The following PIWIL2 variants were observed in gnomAD, a reference collection of about 807,000 sequenced individuals.
PIWIL2 encodes the protein piwi-like protein 2.
PIWIL2 carries 81 observed loss-of-function variants against 116.5 expected under a neutral mutation model. The ratio of observed to expected loss-of-function variants is 0.70; its 90% CI spans 0.58 to 0.84. The LOEUF is 0.84. Among genes scored for constraint, PIWIL2 ranks in the 40% least tolerant of loss-of-function variants. PIWIL2 has a pLI of 0.00. For missense variants in PIWIL2, 1,272 were observed against 1,212.3 expected, an observed-to-expected ratio of 1.05 and a Z score of -0.73; for synonymous variants, 489 against 429.5, an observed-to-expected ratio of 1.14 and a Z score of -1.71.
At chr8:22,339,533 G>A (rs558778543) in intron 20 of PIWIL2, among the ~76,000 whole-genome samples, 4 of 151,978 alleles carry the variant, frequency 2.6e-5, no homozygotes, top group African/African-American at 7.2e-5. Context: ...AACTGTAGAC[G>A]GCAACATAGA....
chr8:22,289,935 C>A lies in PIWIL2; in HGVS notation c.1067+8C>A, dbSNP rs771991756. 1.3e-6 allele frequency: 2 copies of A among 1,571,438 alleles called. No homozygotes were observed. The highest frequency in any genetic ancestry group is 2.2e-5 in the East Asian group (1 of 44,682). ...GGTACTACAGCAACACAGGTTGGTA[C>A]TTTTTTCCCTTCCCTCACTTTTGAA... On this transcript the variant is annotated splice_region_variant and intron_variant, in intron 9 of 22. Coordinates refer to ENST00000356766, the MANE Select transcript of PIWIL2 (RefSeq NM_018068.5).
intron 3 of PIWIL2, 70 bp from the exon 4 acceptor site, chr8:22,281,307 A>G: frequency 8.1e-7 from 1 of 1,235,380 alleles, no homozygotes. Context: ...TGCTTTTTTT[A>G]AAAAAAAAAA....
rs535775823 is a variant in PIWIL2, at chr8:22,291,561, T to G, written c.1181+1215T>G. On this transcript the variant is annotated intron_variant, in intron 10 of 22. Coordinates refer to ENST00000356766, the MANE Select transcript of PIWIL2 (RefSeq NM_018068.5). Reference sequence around the variant, plus strand: ...AAGTAGAATTACTTAATGGAAGGGCTGAACATTCTAAATCCTTTTAATATA... The same window carrying G: ...AAGTAGAATTACTTAATGGAAGGGCGGAACATTCTAAATCCTTTTAATATA... 7.2e-5 allele frequency among the ~76,000 whole-genome samples: 11 copies of G among 152,364 alleles called. No homozygotes were observed. In the South Asian group the frequency reaches 2.3e-3, roughly 32 times the overall value.
chr8:22,283,008 G>A lies in PIWIL2; in HGVS notation c.426-26G>A, dbSNP rs775980273. 1.9e-6 allele frequency: 3 copies of A among 1,583,590 alleles called. No individual in the cohort carries two copies. The South Asian group carries it at 3.3e-5, about 18-fold the overall frequency. On this transcript the variant is annotated intron_variant, in intron 4 of 22. Coordinates refer to ENST00000356766, the MANE Select transcript of PIWIL2 (RefSeq NM_018068.5). ...GGACATAGCTATTATAAAAAACCCTGATTTGCCTCTCTCTCCACATTTCAG... is the reference window on the plus strand; with the variant it reads ...GGACATAGCTATTATAAAAAACCCTAATTTGCCTCTCTCTCCACATTTCAG...
Position 22,318,271 on chromosome 8 carries a change from A to G in PIWIL2, c.2399A>G (p.Tyr800Cys), listed in dbSNP as rs1563395482. 71 of 1,558,738 alleles carry G rather than the reference A, an allele frequency of 4.6e-5. No individual in the cohort carries two copies. The highest frequency in any genetic ancestry group is 6.3e-5 in the Non-Finnish European group (71 of 1,131,016). ...LCLVGSLKKF[Y>C]EVNHCLPEKI... ...CTCGTGGGCTCCTTAAAAAAGTTTT[A>G]TGAGGTGAGGAGAACAGAAATTCTC... The change falls in exon 20 of 23, where the codon TAT becomes TGT. Residue 800 changes from tyrosine (Y) to cysteine (C), a missense_variant. Tyr to Cys is a radical substitution (Grantham distance 194). Coordinates refer to ENST00000356766, the MANE Select transcript of PIWIL2 (RefSeq NM_018068.5).
intron 20 of PIWIL2, among the ~76,000 whole-genome samples, chr8:22,343,113 A>G (rs1175743694): frequency 6.6e-6 from 1 of 151,986 alleles, no homozygotes; most frequent in African/African-American, 2.4e-5. Flanking sequence ...CTAAAAATAC[A>G]AAACTTAGGC....
intron 20 of PIWIL2, among the ~76,000 whole-genome samples, chr8:22,334,519 CAA>C (rs71544878): frequency 3.0e-5 from 4 of 132,260 alleles, no homozygotes; most frequent in Non-Finnish European, 1.6e-5. Context: ...GAGTCCGTCT[CAA>C]AAAAAAAAAA....
At chr8:22,340,423 T>C (rs1267811071) in intron 20 of PIWIL2, among the ~76,000 whole-genome samples, 1 of 152,226 alleles carries the variant, frequency 6.6e-6, no homozygotes, top group African/African-American at 2.4e-5. Flanking sequence ...TATGTCCACC[T>C]GGAACCTGTG....
intron 20 of PIWIL2, among the ~76,000 whole-genome samples, chr8:22,336,946 G>A (rs1234918754): frequency 5.3e-5 from 8 of 151,928 alleles, no homozygotes; most frequent in Admixed American, 2.6e-4. Flanking sequence ...AGAAATACAG[G>A]GATTATAAGA....
intron 20 of PIWIL2, among the ~76,000 whole-genome samples, chr8:22,342,229 A>G (rs978576692): frequency 4.3e-4 from 66 of 152,214 alleles, no homozygotes; most frequent in African/African-American, 1.3e-3. Flanking sequence ...TAGGATATCA[A>G]TTCTTCCCAA....
chr8:22,283,302 C>T (rs1051870890), intron 5 of PIWIL2, 62 bp downstream of exon 5: 55 of 1,306,542 alleles, frequency 4.2e-5, no homozygotes, highest in South Asian at 2.2e-4. Context: ...CATTTTGGCT[C>T]GTGTGTAGTA....
chr8:22,323,340 G>A (rs937361368), intron 20 of PIWIL2, among the ~76,000 whole-genome samples: 10 of 151,842 alleles, frequency 6.6e-5, no homozygotes, highest in Non-Finnish European at 2.9e-5. Context: ...TAGAGACGGG[G>A]TATCACCATG....
At chr8:22,314,542 T>G (rs951297909) in intron 17 of PIWIL2, 113 bp downstream of exon 17, 26 of 484,742 alleles carry the variant, frequency 5.4e-5, no homozygotes, top group Middle Eastern at 5.2e-4. Context: ...AGCCAGTATG[T>G]GCTGAGCCTT....
At chr8:22,349,205 C>T (rs921460995) in intron 20 of PIWIL2, among the ~76,000 whole-genome samples, 7 of 151,188 alleles carry the variant, frequency 4.6e-5, no homozygotes, top group Admixed American at 2.0e-4. Flanking sequence ...CGGGGTTTCA[C>T]CATGTTGCCC....
chr8:22,340,535 T>C (rs1832084320), intron 20 of PIWIL2, among the ~76,000 whole-genome samples: 1 of 152,032 alleles, frequency 6.6e-6, no homozygotes, highest in Non-Finnish European at 1.5e-5. Context: ...GGGTATTACC[T>C]TAAGAAGACA....
intron 20 of PIWIL2, among the ~76,000 whole-genome samples, chr8:22,322,411 C>G (rs1831620072): frequency 6.6e-6 from 1 of 152,062 alleles, no homozygotes; most frequent in Admixed American, 6.6e-5. Flanking sequence ...CCACCACACC[C>G]AGCTAATTTT....
At chr8:22,333,870 T>C (rs1438962557) in intron 20 of PIWIL2, among the ~76,000 whole-genome samples, 1 of 151,908 alleles carries the variant, frequency 6.6e-6, no homozygotes, top group African/African-American at 2.4e-5. Context: ...AGCATATGAA[T>C]TATAGCTCAG....
chr8:22,352,829 A>G (rs539989550), intron 20 of PIWIL2, 130 bp from the exon 21 acceptor site: 16 of 893,724 alleles, frequency 1.8e-5, no homozygotes, highest in Admixed American at 1.4e-4. Context: ...CTCTAGGCAC[A>G]GTAGCTTTGG....
intron 20 of PIWIL2, among the ~76,000 whole-genome samples, chr8:22,335,334 A>G (rs73227815): frequency 0.045 from 6,809 of 152,124 alleles, 311 homozygotes; most frequent in African/African-American, 0.11. Flanking sequence ...ATTCAAAGAA[A>G]AATGTGGTAG....
Sources: allele counts gnomAD v4.1 joint callset (sites outside exome capture counted in the v4.1 genomes callset), GRCh38; gene constraint gnomAD v4.1.1; transcripts MANE v1.5; gene names NCBI Gene and HGNC (gene_info 2026-07-23, HGNC 2026-07-21).